The following GNG12 variants were observed in gnomAD, a reference collection of about 807,000 sequenced individuals.
The protein encoded by GNG12 is G protein subunit gamma 12.
For missense variants in GNG12, 69 were observed against 83.8 expected (o/e 0.82, Z 0.69); for synonymous variants, 28 against 29.7 (o/e 0.94, Z 0.19).
chr1:67,815,839 G>A (rs1253252457), intron 1 of GNG12, among the ~76,000 whole-genome samples: 3 of 152,082 alleles, frequency 2.0e-5, no homozygotes, highest in East Asian at 1.9e-4. Context: ...GCCAAATCCC[G>A]AGTTCTCCTT....
chr1:67,706,880 G>C (rs184819978), intron 3 of GNG12, among the ~76,000 whole-genome samples: 1 of 151,988 alleles, frequency 6.6e-6, no homozygotes, highest in African/African-American at 2.4e-5. Context: ...GGCTGGTCTC[G>C]AATTCCCAAC....
chr1:67,730,865 T>C (rs12568727), intron 2 of GNG12, among the ~76,000 whole-genome samples: 65,166 of 152,026 alleles, frequency 0.43, 15,433 homozygotes, highest in South Asian at 0.55. Flanking sequence ...TTCAGAGTAC[T>C]TTTTCTCTTT....
At chr1:67,714,553 T>C (rs1346219100) in intron 2 of GNG12, among the ~76,000 whole-genome samples, 2 of 152,230 alleles carry the variant, frequency 1.3e-5, no homozygotes, top group Admixed American at 6.5e-5. Flanking sequence ...GTGTTTAGTA[T>C]CTGCATCCTC....
At chr1:67,826,741 C>A (rs1647013160) in intron 1 of GNG12, among the ~76,000 whole-genome samples, 1 of 152,102 alleles carries the variant, frequency 6.6e-6, no homozygotes, top group African/African-American at 2.4e-5. Context: ...GATTTTGATT[C>A]CTCTTTCCAC....
At chr1:67,804,692 T>C (rs371391154) in intron 1 of GNG12, among the ~76,000 whole-genome samples, 1 of 151,818 alleles carries the variant, frequency 6.6e-6, no homozygotes, top group African/African-American at 2.4e-5. Context: ...AAAATCATAG[T>C]ATACAGGAAT....
chr1:67,730,596 C>A (rs1339720028), intron 2 of GNG12, among the ~76,000 whole-genome samples: 2 of 151,842 alleles, frequency 1.3e-5, no homozygotes, highest in Non-Finnish European at 2.9e-5. Flanking sequence ...CAAAACTGAT[C>A]TATGCTGTTA....
At chr1:67,714,255 A>G (rs1365864348) in intron 2 of GNG12, among the ~76,000 whole-genome samples, 1 of 152,176 alleles carries the variant, frequency 6.6e-6, no homozygotes, top group Admixed American at 6.5e-5. Flanking sequence ...TTGCTGGTAC[A>G]CCTGCCAGGC....
chr1:67,759,465 C>A (rs966451385), intron 2 of GNG12, among the ~76,000 whole-genome samples: 1 of 152,232 alleles, frequency 6.6e-6, no homozygotes, highest in African/African-American at 2.4e-5. Context: ...TGTGTTCGGA[C>A]TCTTTCACCC....
chr1:67,781,706 T>C (rs1646738558), intron 1 of GNG12, among the ~76,000 whole-genome samples: 1 of 152,062 alleles, frequency 6.6e-6, no homozygotes. Flanking sequence ...GTACCTCAGA[T>C]GGAGAGAAGT....
At chr1:67,740,699 C>T (rs1488325069) in intron 2 of GNG12, among the ~76,000 whole-genome samples, 3 of 152,206 alleles carry the variant, frequency 2.0e-5, no homozygotes, top group Admixed American at 2.0e-4. Context: ...GTGATTAGAT[C>T]ATGAGGGTGG....
In GNG12 at chr1:67,755,881, G is replaced by C. The variant is rs1178694124; in HGVS notation, c.-27+21577C>G. ...GGTTCTAGGAGATCACTGGTAGTAA[G>C]GTTTTGTTTGTTTATATGACAGCCT... On this transcript the variant is annotated intron_variant, in intron 2 of 3. Coordinates refer to ENST00000370982, the MANE Select transcript of GNG12 (RefSeq NM_018841.6). 5.9e-5 allele frequency among the ~76,000 whole-genome samples: 9 copies of C among 152,076 alleles called. No individual in the cohort carries two copies. In the East Asian group the frequency reaches 1.7e-3, roughly 29 times the overall value.
At chr1:67,797,720 GGGAAA>G (rs1185925060) in intron 1 of GNG12, among the ~76,000 whole-genome samples, 3 of 152,098 alleles carry the variant, frequency 2.0e-5, no homozygotes, top group Non-Finnish European at 4.4e-5. Flanking sequence ...AAAATAGGAT[GGGAAA>G]TGGAAAAAAT....
intron 2 of GNG12, among the ~76,000 whole-genome samples, chr1:67,752,925 A>T (rs947154630): frequency 6.6e-5 from 10 of 152,306 alleles, no homozygotes; most frequent in African/African-American, 2.4e-4. Context: ...AGGTGGCTCG[A>T]ATCTGACCTG....
At chr1:67,706,168 C>G (rs1361014689) in intron 3 of GNG12, among the ~76,000 whole-genome samples, 1 of 152,174 alleles carries the variant, frequency 6.6e-6, no homozygotes, top group Non-Finnish European at 1.5e-5. Flanking sequence ...TTTGTTGTTA[C>G]AACTCTTCAG....
chr1:67,712,822 C>T (rs1359808519), intron 2 of GNG12, among the ~76,000 whole-genome samples: 1 of 143,422 alleles, frequency 7.0e-6, no homozygotes, highest in East Asian at 2.0e-4. Flanking sequence ...AATGCTCTAC[C>T]ATGTGGTTCT....
intron 2 of GNG12, among the ~76,000 whole-genome samples, chr1:67,719,693 A>T (rs1177107968): frequency 6.6e-6 from 1 of 152,170 alleles, no homozygotes; most frequent in African/African-American, 2.4e-5. Flanking sequence ...AATTCATTTG[A>T]TATTTTCTGC....
intron 2 of GNG12, among the ~76,000 whole-genome samples, chr1:67,757,824 C>A (rs1454321644): frequency 6.6e-6 from 1 of 152,192 alleles, no homozygotes; most frequent in African/African-American, 2.4e-5. Context: ...CCCAAGGACA[C>A]TGGGGAGTGT....
intron 1 of GNG12, among the ~76,000 whole-genome samples, chr1:67,811,853 A>G (rs1325475223): frequency 2.0e-5 from 3 of 151,854 alleles, no homozygotes; most frequent in Non-Finnish European, 4.4e-5. Flanking sequence ...TTTGAAAACT[A>G]TTGATGTAGA....
At chr1:67,739,481 G>A (rs1368479833) in intron 2 of GNG12, among the ~76,000 whole-genome samples, 1 of 152,184 alleles carries the variant, frequency 6.6e-6, no homozygotes, top group East Asian at 1.9e-4. Context: ...CAGAGGGCAG[G>A]CTGACATCAC....
Sources: allele counts gnomAD v4.1 joint callset (sites outside exome capture counted in the v4.1 genomes callset), GRCh38; gene constraint gnomAD v4.1.1; transcripts MANE v1.5; gene names NCBI Gene and HGNC (gene_info 2026-07-23, HGNC 2026-07-21).